Variants in ITPK1 observed in about 807,000 individuals in gnomAD.
ITPK1 encodes inositol 1,3,4-trisphosphate 5/6-kinase.
Under a neutral mutation model 45.3 loss-of-function variants are expected in ITPK1, and 21 were observed. The observed-to-expected ratio is 0.46, with a 90% CI of 0.33 to 0.67. ITPK1 has a LOEUF of 0.67. ITPK1 is among the 30% of genes least tolerant of loss of function. ITPK1 has a pLI of 0.02. For synonymous variants in ITPK1, 258 were observed against 253.6 expected (o/e 1.02, Z -0.16); for missense variants, 474 against 573.5 (o/e 0.83, Z 1.77).
chr14:93,103,843 G>C (rs1168289209), intron 2 of ITPK1, among the ~76,000 whole-genome samples: 1 of 152,120 alleles, frequency 6.6e-6, no homozygotes, highest in African/African-American at 2.4e-5. Context: ...AAATGAAAGT[G>C]AAACTGCCAC....
chr14:92,977,385 G>T (rs991113131), intron 5 of ITPK1, among the ~76,000 whole-genome samples: 18 of 152,194 alleles, frequency 1.2e-4, no homozygotes, highest in African/African-American at 4.3e-4. Flanking sequence ...CCCAAAGATG[G>T]AACTCTTGAC....
intron 2 of ITPK1, among the ~76,000 whole-genome samples, chr14:93,079,379 A>G (rs2139988526): frequency 6.6e-6 from 1 of 152,326 alleles, no homozygotes; most frequent in South Asian, 2.1e-4. Flanking sequence ...CTGCAGCCTC[A>G]TGAGGGTGGG....
intron 3 of ITPK1, among the ~76,000 whole-genome samples, chr14:93,051,056 T>C (rs1566756788): frequency 6.6e-6 from 1 of 152,124 alleles, no homozygotes; most frequent in Non-Finnish European, 1.5e-5. Flanking sequence ...CCGGCCTGCC[T>C]GGGCACTCAG....
At chr14:92,987,800 T>C (rs1348485832) in intron 5 of ITPK1, among the ~76,000 whole-genome samples, 1 of 152,178 alleles carries the variant, frequency 6.6e-6, no homozygotes, top group Non-Finnish European at 1.5e-5. Context: ...TTCCACATGC[T>C]CTGGGGCACC....
At chr14:92,962,326 G>C in intron 7 of ITPK1, 29 bp downstream of exon 7, 1 of 1,565,668 alleles carries the variant, frequency 6.4e-7, no homozygotes. Context: ...TGGGGGTCAG[G>C]GACAACAGTC....
chr14:93,052,551 G>A (rs1890058239), intron 3 of ITPK1, among the ~76,000 whole-genome samples: 1 of 152,146 alleles, frequency 6.6e-6, no homozygotes, highest in Admixed American at 6.5e-5. Flanking sequence ...CTTCTGTGAG[G>A]GCCAAAGGAA....
rs182294438 is a variant in ITPK1, at chr14:92,993,149, C to T, written c.364+731G>A. Among the ~76,000 whole-genome samples the T allele has an allele frequency of 5.3e-5, 8 of 152,344 alleles. No homozygotes were observed. The East Asian group carries it at 1.2e-3, about 22-fold the overall frequency. Reference sequence around the variant, plus strand: ...GGGAGCAGGGGCTGCCTCCTTGACCCCAGGATAAATCCTCACAAAGCCGGA... The same window carrying T: ...GGGAGCAGGGGCTGCCTCCTTGACCTCAGGATAAATCCTCACAAAGCCGGA... On this transcript the variant is annotated intron_variant, in intron 5 of 10. Transcript: ENST00000267615.
At chr14:93,006,593 C>T (rs1887627963) in intron 4 of ITPK1, among the ~76,000 whole-genome samples, 1 of 152,222 alleles carries the variant, frequency 6.6e-6, no homozygotes, top group South Asian at 2.1e-4. Context: ...GTCATCCTCC[C>T]ATGGGGGCTA....
intron 2 of ITPK1, among the ~76,000 whole-genome samples, chr14:93,092,450 G>C (rs1891901079): frequency 6.6e-6 from 1 of 152,224 alleles, no homozygotes; most frequent in African/African-American, 2.4e-5. Flanking sequence ...ATGGGTGAGG[G>C]AGGACAGCAT....
Position 93,063,301 on chromosome 14 carries a change from C to A in ITPK1, c.120+13294G>T, listed in dbSNP as rs1463225189. Among the ~76,000 whole-genome samples, 3 of 152,244 alleles carry A rather than the reference C, an allele frequency of 2.0e-5. No homozygotes were observed. The highest frequency in any genetic ancestry group is 4.4e-5 in the Non-Finnish European group (3 of 68,032). ...CCCACACCCTCCTGCCCAGGGACCC[C>A]TGGTCCCCCACCCACCTGAGATGGC... On this transcript the variant is annotated intron_variant, in intron 3 of 10. Transcript: ENST00000267615. The surrounding 1 kb of genome is among the most constrained non-coding windows in gnomAD (Gnocchi z 4.3).
intron 8 of ITPK1, among the ~76,000 whole-genome samples, chr14:92,956,868 T>C (rs926725762): frequency 3.9e-5 from 6 of 152,242 alleles, no homozygotes; most frequent in African/African-American, 1.2e-4. Flanking sequence ...TATAAAAATA[T>C]GCTTCCAGCA....
chr14:93,066,354 C>T (rs868616036), intron 3 of ITPK1: 4 of 427,046 alleles, frequency 9.4e-6, no homozygotes, highest in East Asian at 1.5e-4. Context: ...GGGGCAGAGG[C>T]GTCTGCTGGG....
At chr14:92,976,363 G>T (rs937773582) in intron 5 of ITPK1, among the ~76,000 whole-genome samples, 3 of 152,176 alleles carry the variant, frequency 2.0e-5, no homozygotes, top group African/African-American at 7.2e-5. Flanking sequence ...AGGCCAGAGA[G>T]GCTGTCTTTC....
rs1889140975 is a variant in ITPK1 at position 93,032,918 on chromosome 14, A to G, written c.121-16117T>C. 6.6e-6 allele frequency among the ~76,000 whole-genome samples: 1 copy of G among 152,182 alleles called. No homozygotes were observed. The highest frequency in any genetic ancestry group is 1.9e-4 in the East Asian group (1 of 5,204). ...AGCCAGCCCTTTTCTCTAGGGGGTG[A>G]GCCCTTTAGCAAAGGAGCTGGTGGG... On this transcript the variant is annotated intron_variant, in intron 3 of 10. Coordinates refer to ENST00000267615, the MANE Select transcript of ITPK1 (RefSeq NM_014216.6). The surrounding 1 kb of genome is among the most constrained non-coding windows in gnomAD (Gnocchi z 4.0).
chr14:93,112,532 C>T (rs1246665818), intron 2 of ITPK1, among the ~76,000 whole-genome samples: 2 of 151,348 alleles, frequency 1.3e-5, no homozygotes, highest in Admixed American at 6.6e-5. Flanking sequence ...CTCTGCCTCC[C>T]GGGTTCAAGT....
intron 4 of ITPK1, among the ~76,000 whole-genome samples, chr14:93,015,946 T>C (rs1888154234): frequency 1.3e-5 from 2 of 152,198 alleles, no homozygotes; most frequent in Admixed American, 1.3e-4. Flanking sequence ...CCCATCCCAC[T>C]AGGCACACCT....
At chr14:93,110,814 C>T (rs1447807203) in intron 2 of ITPK1, among the ~76,000 whole-genome samples, 1 of 152,226 alleles carries the variant, frequency 6.6e-6, no homozygotes, top group Non-Finnish European at 1.5e-5. Flanking sequence ...GAGAAACTCA[C>T]AGACATTCTT....
Position 92,937,362 on chromosome 14 carries a change from G to GCTT in ITPK1, c.*4196_*4198dup, listed in dbSNP as rs1166913694. Reference sequence around the variant, plus strand: ...CCCTGTGAGTGGCTTTTCAGAGTGAGCTTCTGAGAGGTGATTCCACACAGC... The same window carrying GCTT: ...CCCTGTGAGTGGCTTTTCAGAGTGAGCTTCTTCTGAGAGGTGATTCCACACAGC... On this transcript the variant is annotated 3_prime_UTR_variant, in exon 11 of 11. Coordinates refer to ENST00000267615, the MANE Select transcript of ITPK1 (RefSeq NM_014216.6). The GCTT allele has an allele frequency of 6.6e-6, 1 of 152,246 alleles. No individual in the cohort carries two copies. Among genetic ancestry groups the GCTT allele is most frequent in the Non-Finnish European group, 1.5e-5 (1 of 68,060 alleles). 9.4% of individuals were successfully genotyped at this position (152,246 alleles called of 1,614,324 possible).
At chr14:92,992,146 G>A (rs1259633308) in intron 5 of ITPK1, among the ~76,000 whole-genome samples, 3 of 152,174 alleles carry the variant, frequency 2.0e-5, no homozygotes, top group Non-Finnish European at 4.4e-5. Flanking sequence ...CTCTTCGAAT[G>A]GACTTGTCCG....
Sources: gnomAD v4.1 joint callset for allele counts (sites outside exome capture counted in the v4.1 genomes callset) on GRCh38, gnomAD v4.1.1 for gene constraint, Gnocchi (gnomAD v3.1) non-coding constraint, MANE v1.5 for transcripts, NCBI Gene and HGNC (gene_info 2026-07-23, HGNC 2026-07-21) for gene names.